HNRNPK: variants seen among roughly 807,000 people sequenced by gnomAD.
HNRNPK encodes heterogeneous nuclear ribonucleoprotein K.
A neutral mutation model predicts 67.0 loss-of-function variants in HNRNPK; 7 were observed. The ratio of observed to expected loss-of-function variants is 0.10; its 90% confidence interval spans 0.06 to 0.20. The LOEUF (loss-of-function observed/expected upper bound fraction) is 0.20, where lower values mean the gene tolerates loss of function less well. Among genes scored for constraint, HNRNPK ranks in the 10% least tolerant of loss-of-function variants. The probability of loss-of-function intolerance (pLI) is 1.00; values close to 1 mark genes in which losing one functional copy is unlikely to be tolerated. For synonymous variants in HNRNPK, 213 were observed against 193.7 expected, an observed-to-expected ratio of 1.10 and a Z score of -0.83; for missense variants, 264 against 606.5, an observed-to-expected ratio of 0.44 and a Z score of 5.93.
intron 11 of HNRNPK, 25 bp downstream of exon 11, chr9:83,971,857 A>G: frequency 6.4e-7 from 1 of 1,556,866 alleles, no homozygotes; most frequent in Non-Finnish European, 8.7e-7. Flanking sequence ...AAGAAAAAAC[A>G]ACAACAACAA....
At chr9:83,970,405 G>GA in intron 15 of HNRNPK, 74 bp from the exon 16 acceptor site, 1 of 1,176,380 alleles carries the variant, frequency 8.5e-7, no homozygotes, top group Non-Finnish European at 1.2e-6. Flanking sequence ...CAAGGAGCAT[G>GA]AAGTTATTAA....
At chr9:83,978,120 A>C (rs998025060) in intron 3 of HNRNPK, 75 bp downstream of exon 3, 10 of 942,904 alleles carry the variant, frequency 1.1e-5, no homozygotes, top group East Asian at 4.8e-5. Flanking sequence ...CACACTCCTA[A>C]GGCAATAATT....
At chr9:83,974,004 AAG>A in intron 7 of HNRNPK, 31 bp from the exon 8 acceptor site, 1 of 1,481,482 alleles carries the variant, frequency 6.7e-7, no homozygotes, top group Non-Finnish European at 9.4e-7. Context: ...GTAATAGGTT[AAG>A]TGTCTAGCGT....
chr9:83,969,323 C>T lies in HNRNPK; in HGVS notation c.*84G>A, dbSNP rs1204743462. ...AGAAGCAGATAAAAAAAAAAAGATG[C>T]AGGACTCCTTCAGTTCTTCACTAGT... On this transcript the variant is annotated 3_prime_UTR_variant, in exon 17 of 17. Transcript: ENST00000376263. 1.1e-5 allele frequency: 9 copies of T among 832,856 alleles called. No individual in the cohort carries two copies. The highest frequency in any genetic ancestry group is 1.9e-5 in the Non-Finnish European group (9 of 485,096). The allele number at this position is 832,856 out of a possible 1,614,324, so 51.6% of individuals were successfully genotyped here.
rs746202827 is a variant in HNRNPK, at chr9:83,973,251, C to T, written c.516+35G>A. ...CAAGTCTATATGAAAATTTACTTTC[C>T]AGCAAAGAATACGGCAGAATTTTTT... On this transcript the variant is annotated intron_variant, in intron 9 of 16. Coordinates refer to ENST00000376263, the MANE Select transcript of HNRNPK (RefSeq NM_031263.4). 6 of 1,219,600 alleles carry T rather than the reference C, an allele frequency of 4.9e-6. No individual in the cohort carries two copies. The South Asian group carries it at 7.3e-5, about 15-fold the overall frequency. 75.5% of individuals were successfully genotyped at this position (1,219,600 alleles called of 1,614,324 possible). A position where few individuals can be genotyped will look rare whatever the true frequency, so the allele number is the denominator to read the frequency against.
At chr9:83,969,485 G>A (rs375224773) in intron 16 of HNRNPK, 45 bp from the exon 17 acceptor site, 37 of 1,231,782 alleles carry the variant, frequency 3.0e-5, no homozygotes, top group South Asian at 1.1e-4. Flanking sequence ...ATTTTTGCTC[G>A]TAACATCTTA....
At chr9:83,970,094 A>G in intron 16 of HNRNPK, 68 bp downstream of exon 16, 2 of 1,323,652 alleles carry the variant, frequency 1.5e-6, no homozygotes, top group Admixed American at 2.2e-5. Context: ...AAAAAAATCA[A>G]TTGAGAAGAA....
At chr9:83,970,545 C>G (rs1198846025) in intron 15 of HNRNPK, 192 bp downstream of exon 15, 2 of 640,666 alleles carry the variant, frequency 3.1e-6, no homozygotes, top group African/African-American at 3.7e-5. Flanking sequence ...ACCTACTTAA[C>G]TACTTTTATT....
At chr9:83,975,615 A>C in intron 5 of HNRNPK, 110 bp from the exon 6 acceptor site, 1 of 930,806 alleles carries the variant, frequency 1.1e-6, no homozygotes, top group Non-Finnish European at 1.8e-6. Flanking sequence ...GGGCATAGCC[A>C]ACCAGGGTTT....
At position 83,973,270 on chromosome 9, in the gene HNRNPK, ATTTTT is replaced by A. The variant is rs112088787; in HGVS notation, c.516+11_516+15del. 1.6e-6 allele frequency: 2 copies of A among 1,233,962 alleles called. No individual in the cohort carries two copies. Among genetic ancestry groups the A allele is most frequent in the East Asian group, 4.9e-5 (2 of 40,852 alleles). 76.4% of individuals were successfully genotyped at this position (1,233,962 alleles called of 1,614,324 possible). ...ACTTTCCAGCAAAGAATACGGCAGA[ATTTTT>A]TTTTTTTTACCTCTCGAAGTTCTTT... On this transcript the variant is annotated intron_variant, in intron 9 of 16. Transcript: ENST00000376263.
intron 5 of HNRNPK, among the ~76,000 whole-genome samples, chr9:83,976,171 T>C (rs1168705353): frequency 2.6e-5 from 4 of 152,140 alleles, no homozygotes; most frequent in Non-Finnish European, 5.9e-5. Context: ...TTGTAAAATT[T>C]TAAACAAATT....
intron 5 of HNRNPK, 29 bp downstream of exon 5, chr9:83,976,966 G>A (rs376174418): frequency 7.9e-6 from 11 of 1,387,458 alleles, no homozygotes; most frequent in African/African-American, 2.8e-5. Flanking sequence ...GAAGCTGCTC[G>A]TGTAGTAGTT....
chr9:83,972,474 A>G (rs1222560866), intron 10 of HNRNPK, among the ~76,000 whole-genome samples: 8 of 152,206 alleles, frequency 5.3e-5, no homozygotes, highest in African/African-American at 1.7e-4. Context: ...AAGCCCTCCC[A>G]TTTTACACAT....
chr9:83,978,819 A>G (rs1957199578), intron 1 of HNRNPK, among the ~76,000 whole-genome samples: 1 of 152,198 alleles, frequency 6.6e-6, no homozygotes, highest in South Asian at 2.1e-4. Context: ...TTATATTAAA[A>G]CTTCCAATTG....
intron 10 of HNRNPK, 76 bp from the exon 11 acceptor site, chr9:83,972,265 C>T: frequency 9.1e-7 from 1 of 1,100,692 alleles, no homozygotes; most frequent in Non-Finnish European, 1.3e-6. Context: ...CTAACATCAT[C>T]ATCAAACAAA....
intron 8 of HNRNPK, 114 bp downstream of exon 8, chr9:83,973,788 A>G (rs1956956299): frequency 2.7e-6 from 2 of 743,004 alleles, no homozygotes; most frequent in African/African-American, 1.8e-5. Flanking sequence ...TTCATGTATC[A>G]TGTTTTTAAG....
chr9:83,969,492 CT>C, intron 16 of HNRNPK, 52 bp from the exon 17 acceptor site: 1 of 1,091,266 alleles, frequency 9.2e-7, no homozygotes, highest in Non-Finnish European at 1.4e-6. Context: ...CTCGTAACAT[CT>C]TAATCAACAT....
chr9:83,976,756 T>G (rs1235078873), intron 5 of HNRNPK: 1 of 369,032 alleles, frequency 2.7e-6, no homozygotes, highest in Non-Finnish European at 4.8e-6. Context: ...AGTGAATAAT[T>G]TGGTGGACTC....
intron 8 of HNRNPK, 26 bp from the exon 9 acceptor site, chr9:83,973,425 T>A (rs745683288): frequency 1.5e-6 from 2 of 1,345,042 alleles, no homozygotes; most frequent in Non-Finnish European, 2.1e-6. Flanking sequence ...TATAAAATTT[T>A]AGTCTCAAAT....
Sources: allele counts gnomAD v4.1 joint callset (sites outside exome capture counted in the v4.1 genomes callset), GRCh38; gene constraint gnomAD v4.1.1; transcripts MANE v1.5; gene names NCBI Gene and HGNC (gene_info 2026-07-23, HGNC 2026-07-21).